The following DST variants were observed in gnomAD, a reference collection of about 807,000 sequenced individuals.
The protein encoded by DST is bullous pemphigoid antigen.
DST carries 253 observed loss-of-function variants against 875.2 expected under a neutral mutation model. The observed-to-expected ratio is 0.29, with a 90% CI of 0.26 to 0.32. The LOEUF (loss-of-function observed/expected upper bound fraction) is 0.32, where lower values mean the gene tolerates loss of function less well. DST is among the 10% of genes least tolerant of loss of function. The probability of loss-of-function intolerance (pLI) is 1.00; values close to 1 mark genes in which losing one functional copy is unlikely to be tolerated. For missense variants in DST, 8,287 were observed against 9,111.6 expected, an observed-to-expected ratio of 0.91 and a Z score of 3.68; for synonymous variants, 3,124 against 3,197.1, an observed-to-expected ratio of 0.98 and a Z score of 0.77.
chr6:56,648,655 A>G lies in DST; in HGVS notation c.1469T>C (p.Met490Thr). The G allele has an allele frequency of 6.3e-7, 1 of 1,582,780 alleles. No individual in the cohort carries two copies. Reference protein sequence around the residue: ...VEVKWIEYQNMVNYLIQWIRH... With the variant: ...VEVKWIEYQNTVNYLIQWIRH... ...AATCCATTGGATGAGGTAGTTCACCATATTCTGGTATTCAATCCATTTGAC... is the reference window on the plus strand; with the variant it reads ...AATCCATTGGATGAGGTAGTTCACCGTATTCTGGTATTCAATCCATTTGAC... The change falls in exon 13 of 104, where the codon ATG becomes ACG. Residue 490 changes from methionine to threonine, a missense_variant. Coordinates refer to ENST00000680361, the MANE Select transcript of DST (RefSeq NM_001374736.1).
intron 61 of DST, among the ~76,000 whole-genome samples, chr6:56,545,651 GATT>G (rs1309459799): frequency 2.6e-5 from 4 of 152,142 alleles, no homozygotes; most frequent in East Asian, 3.8e-4. Context: ...TCACATTTAT[GATT>G]ATTATTTACA....
intron 9 of DST, among the ~76,000 whole-genome samples, chr6:56,678,400 C>T (rs1363347974): frequency 1.3e-5 from 2 of 152,182 alleles, no homozygotes; most frequent in Non-Finnish European, 2.9e-5. Flanking sequence ...TCTCACATTC[C>T]TTGACATGCC....
intron 61 of DST, 62 bp downstream of exon 61, chr6:56,552,121 TC>T (rs1237612330): frequency 1.3e-6 from 2 of 1,504,302 alleles, no homozygotes; most frequent in African/African-American, 2.8e-5. Context: ...CAATCTCCTT[TC>T]TAAGCAAATT....
rs371477306 is a variant in DST, at chr6:56,494,121, G to C, written c.20283C>G (p.Gly6761=). The C allele has an allele frequency of 4.3e-6, 7 of 1,611,224 alleles. No homozygotes were observed. The highest frequency in any genetic ancestry group is 4.0e-5 in the African/African-American group (3 of 74,856). The change falls in exon 83 of 104, where the codon GGC becomes GGG. Residue 6761 remains glycine, a synonymous_variant. Transcript: ENST00000680361. ...TTGGGCATCTTGCAAGCATCTGCTGGCCTTTCTGCATCAGACTCTTATATG... is the reference window on the plus strand; with the variant it reads ...TTGGGCATCTTGCAAGCATCTGCTGCCCTTTCTGCATCAGACTCTTATATG... ...EETYKSLMQK[G]QQMLARCPKS...
chr6:56,572,117 C>T lies in DST; in HGVS notation c.13704G>A (p.Glu4568=). ...GTACTTACTTTTCTTTGATGGTATC[C>T]TCCATTTCCTTGAATTTCTTTGACA... ...NNLSKKFKEM[E]DTIKEKKEAV... The change falls in exon 53 of 104, where the codon GAG becomes GAA. Residue 4568 remains glutamate (E), a synonymous_variant. Transcript: ENST00000680361. 1 of 1,503,956 alleles carries T rather than the reference C, an allele frequency of 6.6e-7. No homozygotes were observed. Among genetic ancestry groups the T allele is most frequent in the Non-Finnish European group, 8.9e-7 (1 of 1,126,478 alleles). The allele number at this position is 1,503,956 out of a possible 1,614,324, so 93.2% of individuals were successfully genotyped here.
At chr6:56,490,125 T>C (rs2095687449) in intron 85 of DST, among the ~76,000 whole-genome samples, 2 of 152,302 alleles carry the variant, frequency 1.3e-5, no homozygotes, top group Middle Eastern at 3.4e-3. Context: ...ATTGCATTCC[T>C]ATTTAATGCA....
chr6:56,517,572 T>C lies in DST; in HGVS notation c.18178A>G (p.Lys6060Glu), dbSNP rs948369942. The C allele has an allele frequency of 1.9e-6, 3 of 1,613,392 alleles. No individual in the cohort carries two copies. Among genetic ancestry groups the C allele is most frequent in the Admixed American group, 1.7e-5 (1 of 59,946 alleles). ...AELSWITETE[K>E]KLMSLGDIRL... Reference sequence around the variant, plus strand: ...ATGTCACCCAGAGACATCAATTTTTTTTCTGTTTCAGTAATCCAGGATAAC... The same window carrying C: ...ATGTCACCCAGAGACATCAATTTTTCTTCTGTTTCAGTAATCCAGGATAAC... The change falls in exon 70 of 104, where the codon AAA becomes GAA. Residue 6060 changes from lysine (K) to glutamate (E), a missense_variant. Lys to Glu is a moderately conservative substitution (Grantham distance 56). Around this residue, in one of 10 missense-constraint regions of DST, gnomAD observed 777 missense variants for 764.8 expected, o/e 1.02. Coordinates refer to ENST00000680361, the MANE Select transcript of DST (RefSeq NM_001374736.1).
intron 4 of DST, among the ~76,000 whole-genome samples, chr6:56,822,364 A>G (rs1022034659): frequency 1.3e-5 from 2 of 152,152 alleles, no homozygotes; most frequent in African/African-American, 4.8e-5. Flanking sequence ...AGGGGATGGG[A>G]CGCAGGGGGA....
chr6:56,940,202 A>ACG (rs963594683), intron 2 of DST, among the ~76,000 whole-genome samples: 5 of 108,182 alleles, frequency 4.6e-5, no homozygotes, highest in African/African-American at 1.5e-4. Flanking sequence ...ACACACACAC[A>ACG]CACACACACA....
chr6:56,838,779 T>A (rs2099796612), intron 4 of DST, among the ~76,000 whole-genome samples: 1 of 152,240 alleles, frequency 6.6e-6, no homozygotes, highest in South Asian at 2.1e-4. Flanking sequence ...TTAATCGTAA[T>A]TATTTGGTGA....
At position 56,487,227 on chromosome 6, in the gene DST, G is replaced by A. The variant is rs775114465; in HGVS notation, c.20924C>T (p.Thr6975Ile). The change falls in exon 87 of 104, where the codon ACC becomes ATC. Residue 6975 changes from threonine (T) to isoleucine (I), a missense_variant. Thr to Ile is a moderately conservative substitution (Grantham distance 89). This residue lies in a region of DST where 1,292 missense variants were observed against 1,552.7 expected (regional missense o/e 0.83). Transcript: ENST00000680361. ...CTTCAGAGAACGTCCAGTCCTGTTG[G>A]TGGTGTCGTAGACAGAATGCTTGGC... ...LGAKHSVYDT[T>I]NRTGRSLKEK... 13 of 1,611,852 alleles carry A rather than the reference G, an allele frequency of 8.1e-6. No homozygotes were observed. The Admixed American group carries it at 1.7e-4, about 21-fold the overall frequency.
rs778356232 is a variant in DST at position 56,572,883 on chromosome 6, T to G, written c.13418A>C (p.Glu4473Ala). The G allele has an allele frequency of 6.2e-7, 1 of 1,613,480 alleles. No homozygotes were observed. The highest frequency in any genetic ancestry group is 8.5e-7 in the Non-Finnish European group (1 of 1,179,714). The change falls in exon 52 of 104, where the codon GAG (glutamate) becomes GCG (alanine). Residue 4473 changes from glutamate to alanine, a missense_variant. Physicochemically the swap from Glu to Ala is moderately radical, Grantham distance 107 (BLOSUM62 -1). This residue lies in a region of DST where 1,513 missense variants were observed against 1,677.8 expected (regional missense o/e 0.90). Transcript: ENST00000680361. Reference protein sequence around the residue: ...HKHKETLAKMEELKTKVELFE... With the variant: ...HKHKETLAKMAELKTKVELFE... ...CAGTTCTACTTTGGTTTTTAGCTCC[T>G]CCATTTTGGCAAGAGTTTCTTTGTG...
Position 56,606,967 on chromosome 6 carries a change from A to T in DST, c.7661T>A (p.Ile2554Lys). 1 of 1,613,466 alleles carries T rather than the reference A, an allele frequency of 6.2e-7. No homozygotes were observed. The highest frequency in any genetic ancestry group is 1.3e-5 in the African/African-American group (1 of 75,006). ...MPEDKEDESE[I>K]EEYSCAVTPG... ...AGTCACAGCACAGGAATACTCTTCT[A>T]TTTCAGACTCATCTTCCTTGTCTTC... Residue 2554 changes from isoleucine (I) to lysine (K), a missense_variant, in exon 40 of 104, where the codon ATA (isoleucine) becomes AAA (lysine). Ile to Lys is a moderately radical substitution (Grantham distance 102). This residue lies in a region of DST where 3,138 missense variants were observed against 3,116.6 expected (regional missense o/e 1.01). Coordinates refer to ENST00000680361, the MANE Select transcript of DST (RefSeq NM_001374736.1).
chr6:56,935,401 G>A (rs766509498), intron 2 of DST, among the ~76,000 whole-genome samples: 2 of 152,230 alleles, frequency 1.3e-5, no homozygotes, highest in Non-Finnish European at 2.9e-5. Flanking sequence ...GGCAGTAGCA[G>A]GAATATACTA....
chr6:56,473,321 G>T (rs935918827), intron 93 of DST, among the ~76,000 whole-genome samples: 1 of 152,106 alleles, frequency 6.6e-6, no homozygotes. Flanking sequence ...ATTCAGAAAC[G>T]CATAAAACAT....
chr6:56,693,184 C>T lies in DST; in HGVS notation c.1047+6469G>A, dbSNP rs1432057440. The T allele has an allele frequency of 4.8e-6, 6 of 1,242,992 alleles. No individual in the cohort carries two copies. In the South Asian group the frequency reaches 7.0e-5, roughly 15 times the overall value. 77.0% of individuals were successfully genotyped at this position (1,242,992 alleles called of 1,614,324 possible). On this transcript the variant is annotated intron_variant, in intron 9 of 103. Coordinates refer to ENST00000680361, the MANE Select transcript of DST (RefSeq NM_001374736.1). ...AGGAGATCACAGCTCCATAGATTCA[C>T]TCATTTCAAAATCCAGAGCTTACTT...
intron 2 of DST, among the ~76,000 whole-genome samples, chr6:56,903,073 T>C (rs1794870961): frequency 7.5e-6 from 1 of 133,012 alleles, no homozygotes; most frequent in Admixed American, 7.0e-5. Context: ...GATGGCATTA[T>C]CTCCCATAGC....
In DST at chr6:56,938,222, C is replaced by T. The variant is rs555521797; in HGVS notation, c.216+15563G>A. On this transcript the variant is annotated intron_variant, in intron 2 of 103. Transcript: ENST00000680361. ...GATCATAGCTCACTGCAGCCTCAAA[C>T]TCCTGGGCTCAAGTGATCCTCCTTA... 3.7e-3 allele frequency among the ~76,000 whole-genome samples: 561 copies of T among 152,074 alleles called. 3 individuals carry two copies. Among genetic ancestry groups the T allele is most frequent in the Non-Finnish European group, 7.0e-3 (473 of 68,012 alleles).
chr6:56,600,805 T>C (rs932854006), intron 44 of DST, among the ~76,000 whole-genome samples: 5 of 152,080 alleles, frequency 3.3e-5, no homozygotes, highest in African/African-American at 1.2e-4. Context: ...ACTAATTACT[T>C]GCACCTTTCA....
Sources: gnomAD v4.1 joint callset for allele counts (sites outside exome capture counted in the v4.1 genomes callset) on GRCh38, gnomAD v4.1.1 for gene constraint, gnomAD v4.1.1 regional missense constraint, MANE v1.5 for transcripts, NCBI Gene and HGNC (gene_info 2026-07-23, HGNC 2026-07-21) for gene names.